Variants in LHFPL3 observed in about 807,000 individuals in gnomAD.
LHFPL3 encodes LHFPL tetraspan subfamily member 3 protein.
Under a neutral mutation model 19.3 loss-of-function variants are expected in LHFPL3, and 5 were observed. The ratio of observed to expected loss-of-function variants is 0.26; its 90% CI spans 0.14 to 0.54. The LOEUF (loss-of-function observed/expected upper bound fraction) is 0.54, where lower values mean the gene tolerates loss of function less well. Ranked by LOEUF, LHFPL3 falls within the 20% of genes least tolerant of loss-of-function variation. The pLI, the probability that LHFPL3 is intolerant of heterozygous loss-of-function variation, is 0.94. For missense variants in LHFPL3, 249 were observed against 307.4 expected (o/e 0.81, Z 1.42); for synonymous variants, 133 against 126.2 (o/e 1.05, Z -0.36).
chr7:104,735,933 A>T (rs980822561), intron 1 of LHFPL3, among the ~76,000 whole-genome samples: 2 of 152,206 alleles, frequency 1.3e-5, no homozygotes, highest in Non-Finnish European at 2.9e-5. Flanking sequence ...CTGTAATAAC[A>T]TGGGAGTTCA....
chr7:104,688,005 T>G (rs1032094620), intron 1 of LHFPL3, among the ~76,000 whole-genome samples: 4 of 152,248 alleles, frequency 2.6e-5, no homozygotes, highest in African/African-American at 9.6e-5. Context: ...TACTAAGGAC[T>G]CTACTTCTAA....
Position 104,834,694 on chromosome 7 carries a change from C to T in LHFPL3, c.683-71493C>T, listed in dbSNP as rs369144109. Reference sequence around the variant, plus strand: ...AACTTCCAATTTTCTATTGACTTGTCAATTAAACACATGTGTGCACAATCC... The same window carrying T: ...AACTTCCAATTTTCTATTGACTTGTTAATTAAACACATGTGTGCACAATCC... On this transcript the variant is annotated intron_variant, in intron 2 of 2. Transcript: ENST00000424859. 2.0e-4 allele frequency among the ~76,000 whole-genome samples: 31 copies of T among 152,118 alleles called. 1 individual carries two copies. Among genetic ancestry groups the T allele is most frequent in the African/African-American group, 7.0e-4 (29 of 41,388 alleles).
chr7:104,867,302 A>T (rs1027170406), intron 2 of LHFPL3, among the ~76,000 whole-genome samples: 8 of 152,208 alleles, frequency 5.3e-5, no homozygotes, highest in Non-Finnish European at 8.8e-5. Context: ...GGTTTTTTGA[A>T]AAGATCAACA....
chr7:104,794,883 A>G (rs1218629157), intron 2 of LHFPL3, among the ~76,000 whole-genome samples: 1 of 152,218 alleles, frequency 6.6e-6, no homozygotes, highest in Admixed American at 6.5e-5. Context: ...GGATAAGAAA[A>G]TGAGCTATAC....
At chr7:104,613,095 A>G (rs1456365682) in intron 1 of LHFPL3, among the ~76,000 whole-genome samples, 1 of 152,234 alleles carries the variant, frequency 6.6e-6, no homozygotes, top group Non-Finnish European at 1.5e-5. Flanking sequence ...TGTACTGGTT[A>G]TGTTTTAAAT....
chr7:104,870,565 A>G (rs1037412663), intron 2 of LHFPL3, among the ~76,000 whole-genome samples: 1 of 152,190 alleles, frequency 6.6e-6, no homozygotes, highest in East Asian at 1.9e-4. Flanking sequence ...AAGTCCAAGA[A>G]AGTTTCACGA....
intron 2 of LHFPL3, among the ~76,000 whole-genome samples, chr7:104,752,176 G>A (rs928637747): frequency 4.4e-4 from 67 of 152,018 alleles, no homozygotes; most frequent in African/African-American, 1.3e-3. Context: ...CCACTAATTC[G>A]GGACCTTTTC....
chr7:104,702,240 T>C (rs1324559934), intron 1 of LHFPL3, among the ~76,000 whole-genome samples: 1 of 152,214 alleles, frequency 6.6e-6, no homozygotes, highest in African/African-American at 2.4e-5. Context: ...ATCCTGTTCT[T>C]GACTCTTCGG....
At chr7:104,415,921 A>G (rs1395152211) in intron 1 of LHFPL3, among the ~76,000 whole-genome samples, 2 of 152,188 alleles carry the variant, frequency 1.3e-5, no homozygotes, top group Admixed American at 1.3e-4. Context: ...AGCAGCAGAC[A>G]TTGCAGCTTG....
intron 2 of LHFPL3, among the ~76,000 whole-genome samples, chr7:104,849,713 T>C (rs1584574641): frequency 6.6e-6 from 1 of 152,216 alleles, no homozygotes; most frequent in Non-Finnish European, 1.5e-5. Context: ...GCTAATAGAC[T>C]GAGTGGGGAA....
chr7:104,779,927 C>T (rs1367295675), intron 2 of LHFPL3, among the ~76,000 whole-genome samples: 1 of 151,736 alleles, frequency 6.6e-6, no homozygotes, highest in Non-Finnish European at 1.5e-5. Flanking sequence ...TTTTTTTTAG[C>T]TAAACTTTAA....
chr7:104,806,302 A>T (rs1275652441), intron 2 of LHFPL3, among the ~76,000 whole-genome samples: 2 of 152,250 alleles, frequency 1.3e-5, no homozygotes, highest in Non-Finnish European at 2.9e-5. Context: ...GAGATGTATT[A>T]TGTCTTTTGA....
intron 2 of LHFPL3, among the ~76,000 whole-genome samples, chr7:104,772,504 ACACAGCAGT>A (rs1371424694): frequency 6.6e-5 from 10 of 152,154 alleles, no homozygotes; most frequent in South Asian, 6.2e-4. Flanking sequence ...ACCGGATCCT[ACACAGCAGT>A]CACAGCAGTC....
rs144728858 is a variant in LHFPL3, at chr7:104,776,866, G to C, written c.682+39955G>C. Among the ~76,000 whole-genome samples, 788 of 152,268 alleles carry C rather than the reference G, an allele frequency of 5.2e-3. 4 individuals carry two copies. The highest frequency in any genetic ancestry group is 0.018 in the African/African-American group (743 of 41,554). On this transcript the variant is annotated intron_variant, in intron 2 of 2. Transcript: ENST00000424859. ...AACAATCATGGGCTTTTACAACAGA[G>C]GAGCAAACATACCTACTTGTGGCTG...
chr7:104,820,749 C>G (rs886865155), intron 2 of LHFPL3, among the ~76,000 whole-genome samples: 1 of 152,280 alleles, frequency 6.6e-6, no homozygotes, highest in African/African-American at 2.4e-5. Context: ...TTAACCACCC[C>G]CCCAGACCAA....
intron 2 of LHFPL3, among the ~76,000 whole-genome samples, chr7:104,856,676 G>A (rs10252576): frequency 0.65 from 99,266 of 152,074 alleles, 33,936 homozygotes; most frequent in Non-Finnish European, 0.77. Flanking sequence ...TATTGTACAC[G>A]TGAGAATCTT....
chr7:104,765,482 T>C (rs1166381084), intron 2 of LHFPL3, among the ~76,000 whole-genome samples: 2 of 152,246 alleles, frequency 1.3e-5, no homozygotes, highest in African/African-American at 4.8e-5. Context: ...AGGGACAGTA[T>C]TAGCATAAGG....
chr7:104,687,772 C>T (rs1478478217), intron 1 of LHFPL3, among the ~76,000 whole-genome samples: 2 of 152,142 alleles, frequency 1.3e-5, no homozygotes, highest in African/African-American at 2.4e-5. Context: ...ACTCAGAGAA[C>T]CTGAAGCTCT....
At chr7:104,640,327 T>A (rs570013516) in intron 1 of LHFPL3, among the ~76,000 whole-genome samples, 2 of 152,296 alleles carry the variant, frequency 1.3e-5, no homozygotes, top group Non-Finnish European at 2.9e-5. Context: ...TGTGTCCACG[T>A]GTTTTCATTG....
Sources: gnomAD v4.1 joint callset for allele counts (sites outside exome capture counted in the v4.1 genomes callset) on GRCh38, gnomAD v4.1.1 for gene constraint, MANE v1.5 for transcripts, NCBI Gene and HGNC (gene_info 2026-07-23, HGNC 2026-07-21) for gene names.